The following BANK1 variants were observed in gnomAD, a reference collection of about 807,000 sequenced individuals.
The protein encoded by BANK1 is B cell scaffold protein with ankyrin repeats 1.
BANK1 carries 95 observed loss-of-function variants against 94.5 expected under a neutral mutation model. The observed-to-expected ratio is 1.00, with a 90% confidence interval of 0.85 to 1.19. The LOEUF is 1.19. Ranked by LOEUF, BANK1 falls within the 50% of genes most tolerant of loss-of-function variation. The probability of loss-of-function intolerance (pLI) is 0.00; values close to 1 mark genes in which losing one functional copy is unlikely to be tolerated. For synonymous variants in BANK1, 334 were observed against 308.4 expected, an observed-to-expected ratio of 1.08 and a Z score of -0.87; for missense variants, 987 against 932.2, an observed-to-expected ratio of 1.06 and a Z score of -0.77.
At chr4:101,891,870 T>C (rs146463293) in intron 5 of BANK1, among the ~76,000 whole-genome samples, 97 of 152,188 alleles carry the variant, frequency 6.4e-4, no homozygotes, top group African/African-American at 2.1e-3. Context: ...TGAGAATTTC[T>C]GTTTTCCTGA....
chr4:102,012,240 T>C (rs1399693546), intron 7 of BANK1, among the ~76,000 whole-genome samples: 1 of 152,186 alleles, frequency 6.6e-6, no homozygotes, highest in African/African-American at 2.4e-5. Flanking sequence ...CTATCTTGAC[T>C]TACTCCACAG....
At chr4:101,867,193 A>AAAAAG (rs1469897155) in intron 4 of BANK1, among the ~76,000 whole-genome samples, 1 of 149,020 alleles carries the variant, frequency 6.7e-6, no homozygotes, top group Admixed American at 6.6e-5. Flanking sequence ...AAAAAAAAAA[A>AAAAAG]AAAGAATTAC....
At chr4:101,972,489 T>C (rs1724989790) in intron 7 of BANK1, 1 of 152,088 alleles carries the variant, frequency 6.6e-6, no homozygotes, top group African/African-American at 2.4e-5. Context: ...GCCCTCTTAA[T>C]TACACTCATT....
At chr4:102,010,184 G>C (rs1174482833) in intron 7 of BANK1, among the ~76,000 whole-genome samples, 2 of 151,508 alleles carry the variant, frequency 1.3e-5, no homozygotes, top group Non-Finnish European at 2.9e-5. Context: ...AGAATGGCGT[G>C]AACCCGGGAG....
intron 1 of BANK1, among the ~76,000 whole-genome samples, chr4:101,798,620 C>T (rs1460628583): frequency 6.6e-6 from 1 of 152,168 alleles, no homozygotes; most frequent in African/African-American, 2.4e-5. Flanking sequence ...TCTCCAGCAT[C>T]TGTTGTTTCC....
chr4:101,999,709 A>G (rs762578797), intron 7 of BANK1, among the ~76,000 whole-genome samples: 12 of 152,198 alleles, frequency 7.9e-5, no homozygotes, highest in Non-Finnish European at 1.8e-4. Flanking sequence ...TATAACAAAT[A>G]CTTTTGTAGA....
At chr4:101,927,413 C>T (rs1033612911) in intron 7 of BANK1, among the ~76,000 whole-genome samples, 2 of 151,524 alleles carry the variant, frequency 1.3e-5, no homozygotes, top group Non-Finnish European at 3.0e-5. Flanking sequence ...GGACAAAGAG[C>T]CAAACCATAT....
At chr4:102,062,780 G>A (rs4536928) in intron 12 of BANK1, 89,644 of 279,648 alleles carry the variant, frequency 0.32, 16,499 homozygotes, top group South Asian at 0.44. Context: ...TTGCACTCTA[G>A]GATCCAATCT....
intron 7 of BANK1, among the ~76,000 whole-genome samples, chr4:101,993,609 T>C (rs2148933052): frequency 6.6e-6 from 1 of 152,294 alleles, no homozygotes. Flanking sequence ...TAGAGCACTT[T>C]ATGGTATGAT....
intron 5 of BANK1, among the ~76,000 whole-genome samples, chr4:101,881,813 GC>G (rs539303061): frequency 1.8e-4 from 28 of 152,028 alleles, no homozygotes; most frequent in Non-Finnish European, 3.7e-4. Flanking sequence ...ATTAAACCAG[GC>G]ACAGAAAGAC....
At chr4:102,014,319 A>G (rs1726618688) in intron 7 of BANK1, among the ~76,000 whole-genome samples, 1 of 152,102 alleles carries the variant, frequency 6.6e-6, no homozygotes, top group African/African-American at 2.4e-5. Flanking sequence ...CCATTTGCAT[A>G]TGGCCTGCTC....
Position 102,063,899 on chromosome 4 carries a change from A to G in BANK1, c.2212+761A>G, listed in dbSNP as rs535762015. Among the ~76,000 whole-genome samples the G allele has an allele frequency of 1.6e-3, 250 of 152,220 alleles. 1 individual carries two copies. The highest frequency in any genetic ancestry group is 5.8e-3 in the African/African-American group (243 of 41,560). ...TAAAATATTAATACAGTGAATTCTC[A>G]CAATTGTCAACATGTGTATCATTTT... is the stretch of plus-strand genomic sequence containing the variant. On this transcript the variant is annotated intron_variant, in intron 13 of 16. Transcript: ENST00000322953.
At chr4:101,897,964 G>GA (rs1322579622) in intron 6 of BANK1, among the ~76,000 whole-genome samples, 1 of 151,076 alleles carries the variant, frequency 6.6e-6, no homozygotes. Flanking sequence ...TTTTGTATCT[G>GA]AAAAAAATTA....
At chr4:101,826,500 T>A (rs926846106) in intron 1 of BANK1, among the ~76,000 whole-genome samples, 7 of 152,024 alleles carry the variant, frequency 4.6e-5, no homozygotes, top group Admixed American at 6.5e-5. Context: ...TTATTATTAA[T>A]TTTATTTATA....
At chr4:101,987,594 G>A (rs1189898798) in intron 7 of BANK1, among the ~76,000 whole-genome samples, 1 of 152,252 alleles carries the variant, frequency 6.6e-6, no homozygotes, top group African/African-American at 2.4e-5. Flanking sequence ...CTTGGCAGGA[G>A]TGTATCTTTG....
At chr4:101,834,789 C>G (rs1325855315) in intron 2 of BANK1, among the ~76,000 whole-genome samples, 1 of 151,946 alleles carries the variant, frequency 6.6e-6, no homozygotes, top group East Asian at 1.9e-4. Flanking sequence ...AGAATGATAA[C>G]AATGCCAGGA....
chr4:101,941,777 AAGTT>A (rs929731132), intron 7 of BANK1, among the ~76,000 whole-genome samples: 7 of 151,718 alleles, frequency 4.6e-5, no homozygotes, highest in Non-Finnish European at 1.0e-4. Context: ...TTTCTAATAA[AAGTT>A]AGGAGGTTTG....
chr4:101,790,853 C>T lies in BANK1; in HGVS notation c.-28C>T. On this transcript the variant is annotated 5_prime_UTR_variant, in exon 1 of 17. Transcript: ENST00000322953. Reference sequence around the variant, plus strand: ...AGGTAGCGCTCGGCGGGCAGCAGTGCGCAGGCCCCTCGGCTTCAACCGCCA... The same window carrying T: ...AGGTAGCGCTCGGCGGGCAGCAGTGTGCAGGCCCCTCGGCTTCAACCGCCA... The T allele has an allele frequency of 6.5e-7, 1 of 1,535,370 alleles. No individual in the cohort carries two copies. Among genetic ancestry groups the T allele is most frequent in the Non-Finnish European group, 8.7e-7 (1 of 1,145,232 alleles).
chr4:102,032,087 C>T (rs1369502402), intron 10 of BANK1: 1 of 152,182 alleles, frequency 6.6e-6, no homozygotes, highest in Non-Finnish European at 1.5e-5. Context: ...AGTTTAATAT[C>T]TCTAGGGTAT....
Sources: gnomAD v4.1 joint callset for allele counts (sites outside exome capture counted in the v4.1 genomes callset) on GRCh38, gnomAD v4.1.1 for gene constraint, MANE v1.5 for transcripts, NCBI Gene and HGNC (gene_info 2026-07-23, HGNC 2026-07-21) for gene names.